Variants in PCCA observed in about 807,000 individuals in gnomAD.
PCCA encodes the protein propionyl-CoA carboxylase subunit alpha.
In PCCA, 74 loss-of-function variants were observed where a neutral mutation model predicts 101.3. That is an observed-to-expected ratio of 0.73 (90% CI 0.61 to 0.89). PCCA has a LOEUF of 0.89. Among genes scored for constraint, PCCA ranks in the 40% least tolerant of loss-of-function variants. The pLI is 0.00. For missense variants in PCCA, 891 were observed against 907.0 expected, an observed-to-expected ratio of 0.98 and a Z score of 0.23; for synonymous variants, 294 against 313.6, an observed-to-expected ratio of 0.94 and a Z score of 0.66.
intron 22 of PCCA, among the ~76,000 whole-genome samples, chr13:100,524,265 G>A (rs914967412): frequency 8.5e-5 from 13 of 152,182 alleles, no homozygotes; most frequent in African/African-American, 3.1e-4. Flanking sequence ...ACAGACTGGG[G>A]CAGGTGTAGT....
At chr13:100,432,157 A>C (rs2079602758) in intron 20 of PCCA, among the ~76,000 whole-genome samples, 1 of 152,020 alleles carries the variant, frequency 6.6e-6, no homozygotes, top group Non-Finnish European at 1.5e-5. Flanking sequence ...AAATAAATAA[A>C]TAAATAAATA....
At chr13:100,130,191 G>A (rs879373607) in intron 4 of PCCA, among the ~76,000 whole-genome samples, 7 of 152,172 alleles carry the variant, frequency 4.6e-5, no homozygotes, top group Non-Finnish European at 1.0e-4. Flanking sequence ...TTAGCAAGTC[G>A]AGGCATTGTT....
intron 4 of PCCA, among the ~76,000 whole-genome samples, chr13:100,131,016 T>C (rs1566539021): frequency 2.0e-5 from 3 of 152,178 alleles, no homozygotes; most frequent in Non-Finnish European, 4.4e-5. Flanking sequence ...CCATTTGTTA[T>C]CAAAAGATGA....
intron 6 of PCCA, among the ~76,000 whole-genome samples, chr13:100,207,571 G>T (rs1036864716): frequency 6.6e-6 from 1 of 151,774 alleles, no homozygotes; most frequent in African/African-American, 2.4e-5. Flanking sequence ...TAGTAGAGAC[G>T]GGCTTTCACT....
intron 16 of PCCA, among the ~76,000 whole-genome samples, chr13:100,321,290 C>A (rs2068005854): frequency 6.6e-6 from 1 of 152,154 alleles, no homozygotes; most frequent in African/African-American, 2.4e-5. Flanking sequence ...TTAGCCTGAT[C>A]TCTTTCAAGG....
chr13:100,092,360 G>A (rs2046357058), intron 1 of PCCA, among the ~76,000 whole-genome samples: 1 of 151,214 alleles, frequency 6.6e-6, no homozygotes, highest in African/African-American at 2.4e-5. Flanking sequence ...TAGATAATAT[G>A]ATTCTGAAGG....
intron 12 of PCCA, among the ~76,000 whole-genome samples, chr13:100,291,610 T>C (rs959565429): frequency 3.9e-5 from 6 of 152,216 alleles, no homozygotes; most frequent in Non-Finnish European, 8.8e-5. Context: ...CTGTGGTTTT[T>C]TGGGGGTTAT....
chr13:100,136,735 A>T (rs1415458605), intron 4 of PCCA, among the ~76,000 whole-genome samples: 1 of 152,122 alleles, frequency 6.6e-6, no homozygotes, highest in Admixed American at 6.5e-5. Flanking sequence ...TAATATCTGC[A>T]TAGTTTGTAG....
intron 6 of PCCA, among the ~76,000 whole-genome samples, chr13:100,202,367 T>C (rs967996355): frequency 6.6e-6 from 1 of 152,212 alleles, no homozygotes; most frequent in Middle Eastern, 3.4e-3. Context: ...GCTCATACTT[T>C]CTTTCCTTGA....
chr13:100,310,604 C>A (rs2152698775), intron 16 of PCCA, among the ~76,000 whole-genome samples: 1 of 152,264 alleles, frequency 6.6e-6, no homozygotes, highest in East Asian at 1.9e-4. Context: ...AGTTATTTAT[C>A]TACTCCATCT....
intron 6 of PCCA, among the ~76,000 whole-genome samples, chr13:100,184,457 T>C (rs1419127533): frequency 6.6e-6 from 1 of 152,222 alleles, no homozygotes; most frequent in Admixed American, 6.5e-5. Flanking sequence ...GCTTCTAAGG[T>C]GTCTCCGTAA....
intron 22 of PCCA, among the ~76,000 whole-genome samples, chr13:100,520,496 G>A (rs1036257503): frequency 6.6e-6 from 1 of 151,670 alleles, no homozygotes; most frequent in Non-Finnish European, 1.5e-5. Flanking sequence ...TTAGCCGGGC[G>A]CAGTGGCGGG....
chr13:100,334,983 T>C (rs2070211830), intron 17 of PCCA, among the ~76,000 whole-genome samples: 1 of 152,132 alleles, frequency 6.6e-6, no homozygotes, highest in African/African-American at 2.4e-5. Context: ...AAAAAACAAA[T>C]ACTTTTTTAA....
At chr13:100,342,376 G>A (rs185633066) in intron 18 of PCCA, among the ~76,000 whole-genome samples, 132 of 151,944 alleles carry the variant, frequency 8.7e-4, no homozygotes, top group Non-Finnish European at 1.3e-3. Context: ...CGATTCTCCT[G>A]CCTCAGCCTC....
chr13:100,440,209 T>TATATAA (rs1348343858), intron 20 of PCCA, among the ~76,000 whole-genome samples: 16 of 107,448 alleles, frequency 1.5e-4, no homozygotes, highest in Non-Finnish European at 2.4e-4. Context: ...TATATATATA[T>TATATAA]AAAACGTGAT....
intron 19 of PCCA, among the ~76,000 whole-genome samples, chr13:100,416,274 C>T (rs1180793571): frequency 1.3e-5 from 2 of 151,912 alleles, no homozygotes; most frequent in African/African-American, 4.8e-5. Flanking sequence ...CTGCAACCTC[C>T]ACCTCCCAGG....
At chr13:100,134,421 CAA>C (rs561456917) in intron 4 of PCCA, among the ~76,000 whole-genome samples, 6 of 151,970 alleles carry the variant, frequency 3.9e-5, no homozygotes, top group Non-Finnish European at 8.8e-5. Context: ...TGTACACACA[CAA>C]AAAAAATCCT....
intron 22 of PCCA, 44 bp from the exon 23 acceptor site, chr13:100,527,631 A>G: frequency 7.1e-7 from 1 of 1,402,630 alleles, no homozygotes; most frequent in Non-Finnish European, 1.0e-6. Flanking sequence ...TGTTAATGCA[A>G]AATTAGAATG....
intron 22 of PCCA, among the ~76,000 whole-genome samples, chr13:100,516,176 G>T (rs533588782): frequency 1.3e-5 from 2 of 152,298 alleles, no homozygotes; most frequent in South Asian, 4.2e-4. Context: ...TTAGAACATG[G>T]ATAGAAATCT....
Sources: gnomAD v4.1 joint callset for allele counts (sites outside exome capture counted in the v4.1 genomes callset) on GRCh38, gnomAD v4.1.1 for gene constraint, MANE v1.5 for transcripts, NCBI Gene and HGNC (gene_info 2026-07-23, HGNC 2026-07-21) for gene names.